ZNF804A: variants seen among roughly 807,000 people sequenced by gnomAD.
ZNF804A encodes the protein zinc finger protein 804A.
ZNF804A carries 2 observed loss-of-function variants against 16.5 expected under a neutral mutation model. That is an observed-to-expected ratio of 0.12 (90% CI 0.05 to 0.38). ZNF804A has a LOEUF of 0.38. Among genes scored for constraint, ZNF804A ranks in the 10% least tolerant of loss-of-function variants. The pLI is 0.99. For missense variants in ZNF804A, 1,473 were observed against 1,390.7 expected (o/e 1.06, Z -0.94); for synonymous variants, 534 against 489.6 (o/e 1.09, Z -1.20).
intron 2 of ZNF804A, among the ~76,000 whole-genome samples, chr2:184,921,176 T>C (rs1685522911): frequency 6.6e-6 from 1 of 152,192 alleles, no homozygotes; most frequent in Non-Finnish European, 1.5e-5. Context: ...CCTCTCAAAA[T>C]TACTTTTCTA....
At chr2:184,907,359 T>A (rs1394149054) in intron 2 of ZNF804A, among the ~76,000 whole-genome samples, 1 of 152,196 alleles carries the variant, frequency 6.6e-6, no homozygotes, top group Non-Finnish European at 1.5e-5. Context: ...TTCTTTCATC[T>A]ATTAAAGATT....
intron 1 of ZNF804A, among the ~76,000 whole-genome samples, chr2:184,687,755 T>A (rs944758966): frequency 2.6e-5 from 4 of 152,202 alleles, no homozygotes; most frequent in Admixed American, 2.6e-4. Context: ...TTAAAAATCA[T>A]AAAAATGGGA....
chr2:184,605,448 TATCC>T (rs1478575221), intron 1 of ZNF804A, among the ~76,000 whole-genome samples: 1 of 152,164 alleles, frequency 6.6e-6, no homozygotes, highest in African/African-American at 2.4e-5. Flanking sequence ...AGGACCTTCA[TATCC>T]ATGGGTTCTC....
Position 184,937,638 on chromosome 2 carries a change from A to G in ZNF804A, c.2242A>G (p.Met748Val). The change falls in exon 4 of 4, where the codon ATG (methionine) becomes GTG (valine). Residue 748 changes from methionine (M) to valine (V), a missense_variant. Physicochemically the swap from Met to Val is conservative, Grantham distance 21. Coordinates refer to ENST00000302277, the MANE Select transcript of ZNF804A (RefSeq NM_194250.2). ...AGTTCTTCAAAATGATATGAAACAC[A>G]TGAGTCAGAATCAGGCTGTTAAAAG... ...SLVLQNDMKHMSQNQAVKRGY... is the reference protein window; with the variant it reads ...SLVLQNDMKHVSQNQAVKRGY... The G allele has an allele frequency of 1.2e-6, 2 of 1,613,938 alleles. No homozygotes were observed. Among genetic ancestry groups the G allele is most frequent in the Non-Finnish European group, 1.7e-6 (2 of 1,179,960 alleles).
chr2:184,668,995 C>T (rs1265943149), intron 1 of ZNF804A, among the ~76,000 whole-genome samples: 2 of 151,904 alleles, frequency 1.3e-5, no homozygotes, highest in East Asian at 3.9e-4. Flanking sequence ...AATAACTGAG[C>T]CTCATACCTG....
At chr2:184,888,091 T>C (rs1684924733) in intron 2 of ZNF804A, among the ~76,000 whole-genome samples, 1 of 152,170 alleles carries the variant, frequency 6.6e-6, no homozygotes. Flanking sequence ...TTACCTATAT[T>C]ACAGAACTGT....
chr2:184,707,616 G>A (rs1401418736), intron 1 of ZNF804A, among the ~76,000 whole-genome samples: 2 of 152,020 alleles, frequency 1.3e-5, no homozygotes, highest in Non-Finnish European at 2.9e-5. Context: ...CAAAGAACAC[G>A]ATTTTATTCT....
rs567388049 is a variant in ZNF804A, at chr2:184,677,985, T to C, written c.111+78915T>C. On this transcript the variant is annotated intron_variant, in intron 1 of 3. Transcript: ENST00000302277. Reference sequence around the variant, plus strand: ...TATCCACTGGTTTTAACCCAGTGGTTAACATCTTAACCTTTTAACATCTTA... The same window carrying C: ...TATCCACTGGTTTTAACCCAGTGGTCAACATCTTAACCTTTTAACATCTTA... Among the ~76,000 whole-genome samples the C allele has an allele frequency of 2.0e-5, 3 of 152,180 alleles. No homozygotes were observed. The South Asian group carries it at 6.2e-4, about 32-fold the overall frequency.
chr2:184,731,441 T>C (rs992036713), intron 1 of ZNF804A, among the ~76,000 whole-genome samples: 1 of 151,948 alleles, frequency 6.6e-6, no homozygotes, highest in Non-Finnish European at 1.5e-5. Flanking sequence ...AGATATGTAG[T>C]GATGTTATAG....
intron 1 of ZNF804A, among the ~76,000 whole-genome samples, chr2:184,818,123 G>T (rs1274114110): frequency 2.0e-5 from 3 of 151,724 alleles, no homozygotes; most frequent in Non-Finnish European, 4.4e-5. Context: ...CTCTAACATT[G>T]AAATTAAAGA....
chr2:184,720,979 G>A (rs766909138), intron 1 of ZNF804A, among the ~76,000 whole-genome samples: 1 of 152,090 alleles, frequency 6.6e-6, no homozygotes, highest in Non-Finnish European at 1.5e-5. Context: ...AAGGTGCCAA[G>A]AACATACACT....
chr2:184,707,114 G>A (rs1388379618), intron 1 of ZNF804A, among the ~76,000 whole-genome samples: 2 of 152,094 alleles, frequency 1.3e-5, no homozygotes, highest in Admixed American at 6.6e-5. Context: ...GACTGACCTT[G>A]CAGATCCAAA....
At chr2:184,635,595 GGATT>G (rs1691682748) in intron 1 of ZNF804A, among the ~76,000 whole-genome samples, 3 of 151,944 alleles carry the variant, frequency 2.0e-5, no homozygotes, top group East Asian at 1.9e-4. Context: ...AGCTCAATGG[GGATT>G]GATTAACTTA....
chr2:184,737,415 CA>C (rs2105750948), intron 1 of ZNF804A, among the ~76,000 whole-genome samples: 1 of 152,122 alleles, frequency 6.6e-6, no homozygotes, highest in South Asian at 2.1e-4. Context: ...TGAACTTTGT[CA>C]CGTGAATTTT....
intron 1 of ZNF804A, among the ~76,000 whole-genome samples, chr2:184,645,519 A>G (rs1422833057): frequency 6.6e-6 from 1 of 152,172 alleles, no homozygotes; most frequent in Non-Finnish European, 1.5e-5. Context: ...GCTGTTTATT[A>G]TTTTTTAAAG....
intron 1 of ZNF804A, among the ~76,000 whole-genome samples, chr2:184,643,521 C>T (rs1334528017): frequency 2.0e-5 from 3 of 151,918 alleles, no homozygotes; most frequent in African/African-American, 7.2e-5. Flanking sequence ...AACTCAAGAG[C>T]AACAAATCTA....
At chr2:184,612,766 C>T (rs530011728) in intron 1 of ZNF804A, among the ~76,000 whole-genome samples, 15 of 152,242 alleles carry the variant, frequency 9.9e-5, no homozygotes, top group Non-Finnish European at 8.8e-5. Flanking sequence ...CTCAAAAACA[C>T]ACAAAGCTTT....
chr2:184,938,534 T>G lies in ZNF804A; in HGVS notation c.3138T>G (p.Asn1046Lys). The G allele has an allele frequency of 6.2e-7, 1 of 1,614,048 alleles. No homozygotes were observed. Among genetic ancestry groups the G allele is most frequent in the Non-Finnish European group, 8.5e-7 (1 of 1,180,004 alleles). ...TAGAAAACCATGACAAATTCAAAAATGTACCATGTGAGGTCTACCAGCACA... is the reference window on the plus strand; with the variant it reads ...TAGAAAACCATGACAAATTCAAAAAGGTACCATGTGAGGTCTACCAGCACA... ...IPLENHDKFK[N>K]VPCEVYQHIL... Residue 1046 changes from asparagine to lysine, a missense_variant, in exon 4 of 4, where the codon AAT becomes AAG. Asn to Lys is a moderately conservative substitution (Grantham distance 94, BLOSUM62 0). Transcript: ENST00000302277.
intron 1 of ZNF804A, among the ~76,000 whole-genome samples, chr2:184,827,500 A>C (rs1695185147): frequency 6.8e-6 from 1 of 146,906 alleles, no homozygotes; most frequent in South Asian, 2.1e-4. Context: ...ATATAAAAAT[A>C]TATATATATA....
Sources: allele counts gnomAD v4.1 joint callset (sites outside exome capture counted in the v4.1 genomes callset), GRCh38; gene constraint gnomAD v4.1.1; transcripts MANE v1.5; gene names NCBI Gene and HGNC (gene_info 2026-07-23, HGNC 2026-07-21).